Variants in RDX observed in about 807,000 individuals in gnomAD.
The protein encoded by RDX is radixin.
Under a neutral mutation model 83.7 loss-of-function variants are expected in RDX, and 32 were observed. The observed-to-expected ratio is 0.38, with a 90% CI of 0.29 to 0.51. The LOEUF (loss-of-function observed/expected upper bound fraction) is 0.51. Among genes scored for constraint, RDX ranks in the 20% least tolerant of loss-of-function variants. The probability of loss-of-function intolerance (pLI) is 0.87; values close to 1 mark genes in which losing one functional copy is unlikely to be tolerated. For synonymous variants in RDX, 229 were observed against 222.7 expected (o/e 1.03, Z -0.25); for missense variants, 600 against 689.9 (o/e 0.87, Z 1.46).
chr11:110,265,081 T>C (rs557380238), intron 3 of RDX, among the ~76,000 whole-genome samples: 1 of 151,026 alleles, frequency 6.6e-6, no homozygotes, highest in East Asian at 2.0e-4. Flanking sequence ...TTTTCTTTTT[T>C]TTTTTTTGAA....
chr11:110,228,915 A>G (rs12282214), downstream of RDX, among the ~76,000 whole-genome samples: 6,164 of 152,016 alleles, frequency 0.041, 420 homozygotes, highest in African/African-American at 0.14. Context: ...TGACAGTTAA[A>G]TATTACTATC....
chr11:110,224,043 AAAAG>A (rs144107844), intron 14 of RDX, among the ~76,000 whole-genome samples: 3 of 152,240 alleles, frequency 2.0e-5, no homozygotes, highest in East Asian at 1.9e-4. Context: ...AAAAAAAAAG[AAAAG>A]AAAGAAATCT....
At chr11:110,280,541 G>A (rs186767041) in intron 1 of RDX, among the ~76,000 whole-genome samples, 40 of 152,348 alleles carry the variant, frequency 2.6e-4, no homozygotes, top group Non-Finnish European at 4.4e-4. Context: ...GCGCCACTGC[G>A]CCTGGCTTAT....
intron 14 of RDX, among the ~76,000 whole-genome samples, chr11:110,206,909 A>G (rs986875042): frequency 2.0e-5 from 3 of 152,184 alleles, no homozygotes; most frequent in Admixed American, 1.3e-4. Context: ...CAAACGAGCA[A>G]TTCTCAAAGT....
At chr11:110,273,053 T>A in intron 2 of RDX, 1 of 456,196 alleles carries the variant, frequency 2.2e-6, no homozygotes. Flanking sequence ...ACAGCAAGAC[T>A]ATGAAAAATT....
chr11:110,202,599 T>C lies in RDX; in HGVS notation c.1749-2921A>G, dbSNP rs1027893747. Among the ~76,000 whole-genome samples the C allele has an allele frequency of 7.6e-4, 113 of 149,602 alleles. 1 individual carries two copies. The highest frequency in any genetic ancestry group is 2.5e-3 in the African/African-American group (102 of 41,020). The stretch of plus-strand genomic sequence containing the variant: ...ACACCTGGCTAATTTTTCTTTCTTT[T>C]TTTTTTTTTTTTTTGGTTGGGGAGG... On this transcript the variant is annotated intron_variant, in intron 14 of 15. Coordinates refer to the RDX transcript ENST00000528498.
At chr11:110,176,393 C>G (rs1390185988) in intron 15 of RDX, among the ~76,000 whole-genome samples, 1 of 152,092 alleles carries the variant, frequency 6.6e-6, no homozygotes, top group African/African-American at 2.4e-5. Flanking sequence ...CCCCAGAGCC[C>G]ATCCAGGCAG....
intron 10 of RDX, among the ~76,000 whole-genome samples, chr11:110,238,753 G>A (rs774559554): frequency 1.3e-5 from 2 of 150,546 alleles, no homozygotes; most frequent in African/African-American, 2.4e-5. Flanking sequence ...GTGAAATCCC[G>A]ACTCTACTAA....
At chr11:110,225,658 TAGTG>T (rs941772735), downstream of RDX, among the ~76,000 whole-genome samples, 2 of 152,114 alleles carry the variant, frequency 1.3e-5, no homozygotes, top group African/African-American at 2.4e-5. Flanking sequence ...TAACAATTGT[TAGTG>T]AGGATGTGGC....
rs1864589138 is a variant in RDX at position 110,230,579 on chromosome 11, T to TACACGTACACAC, written c.*1289_*1290insGTGTGTACGTGT. Reference sequence around the variant, plus strand: ...TTCTCTCTCTCATACACACACAGAGTACACACACACACACACACACACACA... The same window carrying TACACGTACACAC: ...TTCTCTCTCTCATACACACACAGAGTACACGTACACACACACACACACACACACACACACACA... On this transcript the variant is annotated 3_prime_UTR_variant, in exon 14 of 14. Coordinates refer to ENST00000645495, the MANE Select transcript of RDX (RefSeq NM_002906.4). The TACACGTACACAC allele has an allele frequency of 6.8e-6, 1 of 147,068 alleles. No individual in the cohort carries two copies. Among genetic ancestry groups the TACACGTACACAC allele is most frequent in the Non-Finnish European group, 1.5e-5 (1 of 66,404 alleles). The allele number at this position is 147,068 out of a possible 1,614,324, so 9.1% of individuals were successfully genotyped here.
chr11:110,242,067 T>C (rs1016985206), intron 10 of RDX, among the ~76,000 whole-genome samples: 9 of 152,292 alleles, frequency 5.9e-5, no homozygotes, highest in Admixed American at 3.3e-4. Context: ...GTTTTAGTTT[T>C]ACAAGATGAA....
At position 110,257,805 on chromosome 11, in the gene RDX, A is replaced by T; in HGVS notation, c.660T>A (p.Val220=). ...CATAAATATTCAGACCCAAAGCATC[A>T]ACACCTAGCCACAATTCAGTTCCTT... ...NKKGTELWLG[V]DALGLNIYEH... The change falls in exon 7 of 14, where the codon GTT becomes GTA. Residue 220 remains valine (V), a synonymous_variant. Coordinates refer to ENST00000645495, the MANE Select transcript of RDX (RefSeq NM_002906.4). 1 of 1,612,222 alleles carries T rather than the reference A, an allele frequency of 6.2e-7. No homozygotes were observed. Among genetic ancestry groups the T allele is most frequent in the Non-Finnish European group, 8.5e-7 (1 of 1,179,702 alleles).
intron 1 of RDX, among the ~76,000 whole-genome samples, chr11:110,280,446 C>T (rs1169401092): frequency 2.6e-5 from 4 of 152,112 alleles, no homozygotes; most frequent in African/African-American, 9.7e-5. Flanking sequence ...GGCAGGGTTG[C>T]CCTATGTTGC....
chr11:110,292,962 A>T (rs1208076846), intron 1 of RDX, among the ~76,000 whole-genome samples: 1 of 152,260 alleles, frequency 6.6e-6, no homozygotes, highest in Non-Finnish European at 1.5e-5. Flanking sequence ...GAAAACAAAA[A>T]GTAAACTTCA....
chr11:110,217,338 AGT>A (rs2134269282), intron 14 of RDX, among the ~76,000 whole-genome samples: 1 of 152,246 alleles, frequency 6.6e-6, no homozygotes, highest in African/African-American at 2.4e-5. Context: ...TCTGTTTTCC[AGT>A]GTTTGTGTTT....
chr11:110,291,216 T>C (rs1283142245), intron 1 of RDX, among the ~76,000 whole-genome samples: 2 of 152,032 alleles, frequency 1.3e-5, no homozygotes, highest in Non-Finnish European at 2.9e-5. Flanking sequence ...TCTTAGCTAC[T>C]CCAGAGGCTG....
Position 110,220,274 on chromosome 11 carries a change from CTATT to C in RDX, c.1748+11595_1748+11598del, listed in dbSNP as rs369187862. Among the ~76,000 whole-genome samples, 53 of 152,242 alleles carry C rather than the reference CTATT, an allele frequency of 3.5e-4. 1 individual carries two copies. The South Asian group carries it at 4.8e-3, about 14-fold the overall frequency. On this transcript the variant is annotated intron_variant, in intron 14 of 15. Coordinates refer to the RDX transcript ENST00000528498. ...ATGAAAACTAAAATGACAGAAGTTA[CTATT>C]TATTAACATTTCCAATATGCCAAGG...
chr11:110,228,706 A>T (rs192928131), downstream of RDX, among the ~76,000 whole-genome samples: 103 of 151,196 alleles, frequency 6.8e-4, no homozygotes, highest in African/African-American at 2.0e-3. Flanking sequence ...GTGGGATTTT[A>T]AAAAAAAACA....
Position 110,249,690 on chromosome 11 carries a change from C to T in RDX, c.960-1857G>A, listed in dbSNP as rs368407748. On this transcript the variant is annotated intron_variant, in intron 9 of 13. Transcript: ENST00000645495. ...GGAGTCCAAGACCAGGGCAACATAG[C>T]GAGACCTCATCTCTTCTAAAAATAA... Among the ~76,000 whole-genome samples the T allele has an allele frequency of 1.2e-4, 18 of 152,172 alleles. No homozygotes were observed. The South Asian group carries it at 2.5e-3, about 21-fold the overall frequency.
Sources: allele counts gnomAD v4.1 joint callset (sites outside exome capture counted in the v4.1 genomes callset), GRCh38; gene constraint gnomAD v4.1.1; transcripts MANE v1.5; gene names NCBI Gene and HGNC (gene_info 2026-07-23, HGNC 2026-07-21).